GRIP1: variants seen among roughly 807,000 people sequenced by gnomAD.
GRIP1 encodes glutamate receptor-interacting protein 1.
Under a neutral mutation model 129.9 loss-of-function variants are expected in GRIP1, and 45 were observed. That is an observed-to-expected ratio of 0.35 (90% CI 0.27 to 0.44). The LOEUF is 0.44. GRIP1 is among the 20% of genes least tolerant of loss of function. The pLI is 1.00. For synonymous variants in GRIP1, 530 were observed against 520.8 expected (o/e 1.02, Z -0.24); for missense variants, 1,196 against 1,396.8 (o/e 0.86, Z 2.29).
intron 1 of GRIP1, among the ~76,000 whole-genome samples, chr12:66,937,242 T>C (rs1566085930): frequency 6.6e-6 from 1 of 152,188 alleles, no homozygotes; most frequent in Non-Finnish European, 1.5e-5. Context: ...TATCTAATTT[T>C]AAACTCTACC....
intron 1 of GRIP1, among the ~76,000 whole-genome samples, chr12:66,851,812 T>C (rs4913507): frequency 0.29 from 43,674 of 152,014 alleles, 7,071 homozygotes; most frequent in East Asian, 0.41. Flanking sequence ...AGGTGTTTCT[T>C]CTTTGTAGTA....
intron 16 of GRIP1, among the ~76,000 whole-genome samples, chr12:66,397,925 T>C (rs2056854641): frequency 6.6e-6 from 1 of 152,250 alleles, no homozygotes; most frequent in Non-Finnish European, 1.5e-5. Context: ...GAAAGCCCTA[T>C]GTGGATGCCT....
chr12:66,444,548 C>A, intron 13 of GRIP1, 36 bp downstream of exon 13: 2 of 1,380,818 alleles, frequency 1.4e-6, no homozygotes, highest in African/African-American at 1.5e-5. Flanking sequence ...CAATATAACT[C>A]ACATGCAGTC....
intron 1 of GRIP1, among the ~76,000 whole-genome samples, chr12:66,983,504 C>T (rs1425685637): frequency 1.3e-5 from 2 of 151,926 alleles, no homozygotes; most frequent in Non-Finnish European, 2.9e-5. Context: ...TTTTAAAAAA[C>T]CCAATTTACT....
rs77069915 is a variant in GRIP1 at position 67,066,346 on chromosome 12, C to T, written c.58+2704G>A. Among the ~76,000 whole-genome samples the T allele has an allele frequency of 3.1e-3, 476 of 152,224 alleles. 4 individuals are homozygous for T. Among genetic ancestry groups the T allele is most frequent in the African/African-American group, 0.011 (453 of 41,518 alleles). On this transcript the variant is annotated intron_variant, in intron 1 of 1. Coordinates refer to the GRIP1 transcript ENST00000643019. Reference sequence around the variant, plus strand: ...AGGAATAAGGCTAAGATACATACTCCTTCAAATATGCGGTCCTCAAAGAAG... The same window carrying T: ...AGGAATAAGGCTAAGATACATACTCTTTCAAATATGCGGTCCTCAAAGAAG...
At chr12:66,679,107 AC>A, upstream of GRIP1, 1 of 1,464,904 alleles carries the variant, frequency 6.8e-7, no homozygotes, top group Non-Finnish European at 9.0e-7. Flanking sequence ...TACTACTACC[AC>A]CCCTGCCTGC....
intron 1 of GRIP1, among the ~76,000 whole-genome samples, chr12:66,668,309 TAAACGA>T (rs1200805649): frequency 2.6e-5 from 4 of 152,186 alleles, no homozygotes; most frequent in Non-Finnish European, 2.9e-5. Flanking sequence ...ACAAAGGCAA[TAAACGA>T]AATTCATTTT....
At chr12:66,914,816 T>G (rs148445998) in intron 1 of GRIP1, among the ~76,000 whole-genome samples, 151 of 152,264 alleles carry the variant, frequency 9.9e-4, no homozygotes, top group Non-Finnish European at 1.8e-3. Context: ...ATGAGTCTAA[T>G]CAGGGAGCTG....
chr12:66,480,334 C>G (rs537241110), intron 7 of GRIP1, among the ~76,000 whole-genome samples: 3 of 152,072 alleles, frequency 2.0e-5, no homozygotes, highest in Non-Finnish European at 4.4e-5. Flanking sequence ...GAATAAAATA[C>G]ATAGGAATAC....
intron 13 of GRIP1, among the ~76,000 whole-genome samples, chr12:66,443,428 AT>A (rs1284151142): frequency 2.7e-5 from 4 of 147,424 alleles, no homozygotes; most frequent in Admixed American, 1.3e-4. Flanking sequence ...CTACCGCAAT[AT>A]TTTTTTTTTC....
chr12:67,047,670 T>C (rs2043275075), intron 1 of GRIP1, among the ~76,000 whole-genome samples: 1 of 152,188 alleles, frequency 6.6e-6, no homozygotes, highest in African/African-American at 2.4e-5. Flanking sequence ...ATTACCCCAT[T>C]ACCGAAGCAC....
At chr12:66,432,663 A>G (rs1269219421) in intron 13 of GRIP1, 35 bp from the exon 14 acceptor site, 3 of 1,143,786 alleles carry the variant, frequency 2.6e-6, no homozygotes. Flanking sequence ...TGTTAATAGA[A>G]CACTGAGGAC....
At chr12:67,003,501 C>T (rs1054367330) in intron 1 of GRIP1, among the ~76,000 whole-genome samples, 1 of 151,836 alleles carries the variant, frequency 6.6e-6, no homozygotes, top group Non-Finnish European at 1.5e-5. Context: ...AGACCAGCCT[C>T]AGCAACGTGG....
chr12:66,620,562 A>C (rs764480264), intron 1 of GRIP1, among the ~76,000 whole-genome samples: 86 of 152,176 alleles, frequency 5.7e-4, no homozygotes, highest in Non-Finnish European at 5.0e-4. Flanking sequence ...AAGAACAATA[A>C]ACATGGCTAA....
At chr12:66,522,503 AG>A (rs1401170415) in intron 5 of GRIP1, among the ~76,000 whole-genome samples, 1 of 152,222 alleles carries the variant, frequency 6.6e-6, no homozygotes, top group African/African-American at 2.4e-5. Flanking sequence ...ACTAACAAAG[AG>A]AAAGGACATC....
chr12:66,843,424 T>C (rs1592896296), intron 1 of GRIP1, among the ~76,000 whole-genome samples: 1 of 152,134 alleles, frequency 6.6e-6, no homozygotes, highest in African/African-American at 2.4e-5. Flanking sequence ...TGATATTCCA[T>C]ATGAATTTTA....
At chr12:66,515,979 C>T (rs1025611362) in intron 6 of GRIP1, among the ~76,000 whole-genome samples, 1 of 152,038 alleles carries the variant, frequency 6.6e-6, no homozygotes, top group Non-Finnish European at 1.5e-5. Context: ...AAAATAACTA[C>T]ACATTAGCAA....
At chr12:66,627,412 T>C (rs752966385) in intron 1 of GRIP1, among the ~76,000 whole-genome samples, 17 of 152,174 alleles carry the variant, frequency 1.1e-4, no homozygotes, top group Non-Finnish European at 2.4e-4. Flanking sequence ...ATTCAGCAAA[T>C]ATCCACAGTA....
At chr12:66,924,398 G>GT (rs2041262846) in intron 1 of GRIP1, among the ~76,000 whole-genome samples, 1 of 152,182 alleles carries the variant, frequency 6.6e-6, no homozygotes, top group Non-Finnish European at 1.5e-5. Flanking sequence ...TGATACATAT[G>GT]TTGGGGCCCA....
Sources: gnomAD v4.1 joint callset for allele counts (sites outside exome capture counted in the v4.1 genomes callset) on GRCh38, gnomAD v4.1.1 for gene constraint, MANE v1.5 for transcripts, NCBI Gene and HGNC (gene_info 2026-07-23, HGNC 2026-07-21) for gene names.